HNRNPLL: variants seen among roughly 807,000 people sequenced by gnomAD.
The protein encoded by HNRNPLL is heterogeneous nuclear ribonucleoprotein L-like.
Under a neutral mutation model 67.1 loss-of-function variants are expected in HNRNPLL, and 25 were observed. That is an observed-to-expected ratio of 0.37 (90% CI 0.27 to 0.52). The LOEUF (loss-of-function observed/expected upper bound fraction) is 0.52, where lower values mean the gene tolerates loss of function less well. HNRNPLL is among the 20% of genes least tolerant of loss of function. HNRNPLL has a pLI of 0.90. For missense variants in HNRNPLL, 542 were observed against 673.9 expected, an observed-to-expected ratio of 0.80 and a Z score of 2.17; for synonymous variants, 267 against 241.7, an observed-to-expected ratio of 1.10 and a Z score of -0.97.
chr2:38,579,735 G>GT (rs1228930176), intron 6 of HNRNPLL, among the ~76,000 whole-genome samples: 1 of 139,332 alleles, frequency 7.2e-6, no homozygotes, highest in East Asian at 2.1e-4. Flanking sequence ...TTTTAAAAAA[G>GT]TTTTTATTTT....
chr2:38,567,872 CCT>C (rs1665930968), intron 12 of HNRNPLL, among the ~76,000 whole-genome samples: 1 of 152,050 alleles, frequency 6.6e-6, no homozygotes, highest in Non-Finnish European at 1.5e-5. Flanking sequence ...TCAGTCAAGC[CCT>C]GAGATTACTG....
At chr2:38,591,728 C>T in intron 1 of HNRNPLL, 80 bp from the exon 2 acceptor site, 1 of 831,746 alleles carries the variant, frequency 1.2e-6, no homozygotes, top group Non-Finnish European at 2.0e-6. Context: ...GTAATCCCTG[C>T]ACTTTGGGAG....
chr2:38,583,859 C>T lies in HNRNPLL; in HGVS notation c.614G>A (p.Gly205Glu). Residue 205 changes from glycine (G) to glutamate (E), a missense_variant, in exon 4 of 13, where the codon GGG becomes GAG. Gly to Glu is a moderately conservative substitution (Grantham distance 98). This residue lies in a region of HNRNPLL where 415 missense variants were observed against 575.2 expected (regional missense o/e 0.72). Coordinates refer to ENST00000449105, the MANE Select transcript of HNRNPLL (RefSeq NM_138394.4). Reference protein sequence around the residue: ...VQRIVIFKRNGIQAMVEFESV... With the variant: ...VQRIVIFKRNEIQAMVEFESV... The stretch of plus-strand genomic sequence containing the variant: ...AGGATATTCAACCATTGCTTGTATC[C>T]CATTTCTCTTGAATATAACAATACG... The T allele has an allele frequency of 6.5e-7, 1 of 1,533,618 alleles. No individual in the cohort carries two copies. The highest frequency in any genetic ancestry group is 9.0e-7 in the Non-Finnish European group (1 of 1,116,080).
At chr2:38,599,038 T>C (rs893461608) in intron 1 of HNRNPLL, among the ~76,000 whole-genome samples, 1 of 152,226 alleles carries the variant, frequency 6.6e-6, no homozygotes, top group African/African-American at 2.4e-5. Flanking sequence ...TCCCAACCCA[T>C]ATGCATCTAA....
chr2:38,572,251 A>G (rs1010623502), intron 8 of HNRNPLL, among the ~76,000 whole-genome samples: 4 of 151,976 alleles, frequency 2.6e-5, no homozygotes, highest in African/African-American at 9.7e-5. Flanking sequence ...ACTGTGATCA[A>G]ATGGTTGACA....
chr2:38,602,709 C>G lies in HNRNPLL; in HGVS notation c.-83G>C. The G allele has an allele frequency of 7.0e-7, 1 of 1,430,622 alleles. No homozygotes were observed. The highest frequency in any genetic ancestry group is 3.1e-5 in the Admixed American group (1 of 31,876). The allele number at this position is 1,430,622 out of a possible 1,614,324, so 88.6% of individuals were successfully genotyped here. A position where few individuals can be genotyped will look rare whatever the true frequency, so the allele number is the denominator to read the frequency against. On this transcript the variant is annotated 5_prime_UTR_variant, in exon 1 of 13. Transcript: ENST00000449105. ...CTCGGATGCCGCCGGCCAGTCCTCG[C>G]CGCCGGCAGCGCCTCTTCTGCGAGG...
chr2:38,566,730 T>C (rs1231720419), intron 12 of HNRNPLL, among the ~76,000 whole-genome samples: 2 of 151,440 alleles, frequency 1.3e-5, no homozygotes, highest in Non-Finnish European at 2.9e-5. Flanking sequence ...ACGTCTGTAA[T>C]CCTAGCACTT....
At position 38,591,587 on chromosome 2, in the gene HNRNPLL, C is replaced by A; in HGVS notation, c.251G>T (p.Cys84Phe). Residue 84 changes from cysteine (C) to phenylalanine (F), a missense_variant, in exon 2 of 13, where the codon TGT becomes TTT. Around this residue, in one of 2 missense-constraint regions of HNRNPLL, gnomAD observed 415 missense variants for 575.2 expected, o/e 0.72. Coordinates refer to ENST00000449105, the MANE Select transcript of HNRNPLL (RefSeq NM_138394.4). ...VSPVVHVRGL[C>F]ESVVEADLVE... Reference sequence around the variant, plus strand: ...GAGGTCTGCTTCCACCACAGATTCACAGAGTCCTCGAACATGGACGACGGG... The same window carrying A: ...GAGGTCTGCTTCCACCACAGATTCAAAGAGTCCTCGAACATGGACGACGGG... 2 of 1,614,044 alleles carry A rather than the reference C, an allele frequency of 1.2e-6. No homozygotes were observed. The highest frequency in any genetic ancestry group is 1.7e-6 in the Non-Finnish European group (2 of 1,179,878).
At chr2:38,602,193 C>T in intron 1 of HNRNPLL, 1 of 485,546 alleles carries the variant, frequency 2.1e-6, no homozygotes, top group South Asian at 2.9e-5. Context: ...CGACCCTCCC[C>T]AAGTTCAGGG....
chr2:38,602,427 C>G lies in HNRNPLL; in HGVS notation c.189+11G>C. On this transcript the variant is annotated intron_variant, in intron 1 of 12. Transcript: ENST00000449105. ...CCAGGCACAGCGGACAGGGGGGCCG[C>G]GCTTTGTTACCGGCTGAGAGAAGCT... 1.3e-6 allele frequency: 2 copies of G among 1,541,994 alleles called. No homozygotes were observed. The highest frequency in any genetic ancestry group is 1.7e-6 in the Non-Finnish European group (2 of 1,151,078).
chr2:38,575,223 T>C (rs1666252461), intron 7 of HNRNPLL, among the ~76,000 whole-genome samples: 1 of 151,740 alleles, frequency 6.6e-6, no homozygotes, highest in Non-Finnish European at 1.5e-5. Context: ...GTATTACCTA[T>C]ATTATTTAAG....
chr2:38,581,570 G>A, intron 6 of HNRNPLL: 1 of 358,906 alleles, frequency 2.8e-6, no homozygotes, highest in South Asian at 7.4e-5. Flanking sequence ...CCTTTCCATA[G>A]AGAAGCAGTG....
intron 1 of HNRNPLL, 125 bp from the exon 2 acceptor site, chr2:38,591,773 C>T (rs569143907): frequency 5.0e-5 from 27 of 538,530 alleles, no homozygotes; most frequent in Admixed American, 3.6e-4. Flanking sequence ...GTCAGGAGTT[C>T]GAGACCAGCC....
chr2:38,578,802 A>C (rs1038904648), intron 6 of HNRNPLL, among the ~76,000 whole-genome samples: 10 of 152,060 alleles, frequency 6.6e-5, no homozygotes, highest in African/African-American at 2.4e-4. Context: ...CCCATATTCT[A>C]CCCCATTTAG....
intron 6 of HNRNPLL, among the ~76,000 whole-genome samples, chr2:38,580,558 T>G (rs1666484082): frequency 6.6e-6 from 1 of 152,198 alleles, no homozygotes; most frequent in Admixed American, 6.5e-5. Flanking sequence ...TTTTTTCTAG[T>G]TACTGACTTT....
At chr2:38,570,826 G>A (rs902030753) in intron 8 of HNRNPLL, among the ~76,000 whole-genome samples, 1 of 151,774 alleles carries the variant, frequency 6.6e-6, no homozygotes, top group Non-Finnish European at 1.5e-5. Context: ...ATGCTTGTTT[G>A]AGCCTAGGAG....
At chr2:38,583,982 G>C (rs529204425) in intron 3 of HNRNPLL, 56 bp from the exon 4 acceptor site, 3 of 710,466 alleles carry the variant, frequency 4.2e-6, no homozygotes, top group Admixed American at 3.0e-5. Flanking sequence ...AAACATTAAA[G>C]CTATACTTCG....
chr2:38,581,890 T>C (rs1312981391), intron 6 of HNRNPLL, 23 bp downstream of exon 6: 7 of 1,526,704 alleles, frequency 4.6e-6, no homozygotes, highest in Non-Finnish European at 6.4e-6. Flanking sequence ...TCAAGTACAT[T>C]CTAAAATGTA....
At chr2:38,574,688 C>G (rs1055231567) in intron 7 of HNRNPLL, among the ~76,000 whole-genome samples, 1 of 151,770 alleles carries the variant, frequency 6.6e-6, no homozygotes, top group African/African-American at 2.4e-5. Flanking sequence ...CACACAAACA[C>G]GGTGTGAATT....
Sources: allele counts gnomAD v4.1 joint callset (sites outside exome capture counted in the v4.1 genomes callset), GRCh38; gene constraint gnomAD v4.1.1; regional missense constraint gnomAD v4.1.1; transcripts MANE v1.5; gene names NCBI Gene and HGNC (gene_info 2026-07-23, HGNC 2026-07-21).